Variants in KCNQ1 observed in about 807,000 individuals in gnomAD.
KCNQ1 encodes the protein potassium voltage-gated channel subfamily Q member 1, also known as potassium voltage-gated channel subfamily KQT member 1.
In KCNQ1, 49 loss-of-function variants were observed where a neutral mutation model predicts 72.4. The ratio of observed to expected loss-of-function variants is 0.68; its 90% confidence interval spans 0.54 to 0.86. KCNQ1 has a LOEUF of 0.86. KCNQ1 is among the 40% of genes least tolerant of loss of function. KCNQ1 has a pLI of 0.00. For synonymous variants in KCNQ1, 450 were observed against 412.6 expected, an observed-to-expected ratio of 1.09 and a Z score of -1.10; for missense variants, 790 against 945.1, an observed-to-expected ratio of 0.84 and a Z score of 2.15.
At chr11:2,460,483 T>TC (rs1846260400) in intron 1 of KCNQ1, among the ~76,000 whole-genome samples, 1 of 150,384 alleles carries the variant, frequency 6.6e-6, no homozygotes, top group Non-Finnish European at 1.5e-5. Flanking sequence ...TCCACAGGCC[T>TC]CCTCCCTCCC....
chr11:2,445,642 C>T (rs1489024867), intron 1 of KCNQ1, among the ~76,000 whole-genome samples, 158 bp downstream of exon 1: 1 of 152,172 alleles, frequency 6.6e-6, no homozygotes, highest in African/African-American at 2.4e-5. Flanking sequence ...TCTGCACTCT[C>T]CCTTGAAGTT....
Position 2,667,095 on chromosome 11 carries a change from A to G in KCNQ1, c.1514+5014A>G, listed in dbSNP as rs113701963. 2,781 of 398,604 alleles carry G rather than the reference A, an allele frequency of 7.0e-3. 54 individuals carry two copies. The highest frequency in any genetic ancestry group is 0.041 in the African/African-American group (2,007 of 48,742). The allele number at this position is 398,604 out of a possible 1,614,324, so 24.7% of individuals were successfully genotyped here. The stretch of plus-strand genomic sequence containing the variant: ...GGGGGGATTAAATGTTCTTCTAATT[A>G]AATTAAAACCGAGGCGTAATGGCTC... On this transcript the variant is annotated intron_variant, in intron 11 of 15. Transcript: ENST00000155840.
intron 11 of KCNQ1, among the ~76,000 whole-genome samples, chr11:2,714,955 G>GTT: frequency 6.6e-6 from 1 of 152,030 alleles, no homozygotes; most frequent in African/African-American, 2.4e-5. Context: ...ACAAAGCCAG[G>GTT]GGGGAGCCTG....
chr11:2,614,729 C>A (rs1187461836), intron 10 of KCNQ1: 2 of 398,252 alleles, frequency 5.0e-6, no homozygotes, highest in Non-Finnish European at 8.9e-6. Flanking sequence ...TTCCATTGGT[C>A]TATATGTCCA....
chr11:2,838,132 G>T (rs987149995), intron 15 of KCNQ1, among the ~76,000 whole-genome samples: 3 of 152,238 alleles, frequency 2.0e-5, no homozygotes, highest in Admixed American at 1.3e-4. Flanking sequence ...TTTCAGGAAG[G>T]GGACCTACTT....
intron 10 of KCNQ1, chr11:2,650,385 C>T (rs1849738694): frequency 2.5e-6 from 1 of 398,574 alleles, no homozygotes; most frequent in African/African-American, 2.1e-5. Context: ...ACAGAGACTT[C>T]CAATTTTATG....
rs942147621 is a variant in KCNQ1, at chr11:2,450,414, G to A, written c.386+4930G>A. On this transcript the variant is annotated intron_variant, in intron 1 of 15. Coordinates refer to ENST00000155840, the MANE Select transcript of KCNQ1 (RefSeq NM_000218.3). This position sits in a 1 kb window ranked among gnomAD's most constrained non-coding sequence, Gnocchi z 7.9. Reference sequence around the variant, plus strand: ...GCCCAACATCTGCTGCTGGAGGGGAGAATGAGGCAATGAATATCACCATCC... The same window carrying A: ...GCCCAACATCTGCTGCTGGAGGGGAAAATGAGGCAATGAATATCACCATCC... 6.6e-6 allele frequency among the ~76,000 whole-genome samples: 1 copy of A among 152,132 alleles called. No individual in the cohort carries two copies. The highest frequency in any genetic ancestry group is 2.4e-5 in the African/African-American group (1 of 41,442).
At chr11:2,571,974 C>A in intron 4 of KCNQ1, 39 bp from the exon 5 acceptor site, 1 of 1,562,776 alleles carries the variant, frequency 6.4e-7, no homozygotes, top group South Asian at 1.1e-5. Context: ...CAGCTGAGCC[C>A]AGCCTGGCTC....
intron 10 of KCNQ1, among the ~76,000 whole-genome samples, chr11:2,607,176 T>C (rs1159796782): frequency 6.6e-6 from 1 of 152,124 alleles, no homozygotes; most frequent in East Asian, 1.9e-4. Flanking sequence ...GTGCTGGGAT[T>C]ACAGGTGTGA....
rs1192581193 is a variant in KCNQ1, at chr11:2,664,095, C to T, written c.1514+2014C>T. The T allele has an allele frequency of 2.5e-6, 1 of 398,766 alleles. No individual in the cohort carries two copies. Among genetic ancestry groups the T allele is most frequent in the East Asian group, 3.6e-5 (1 of 28,082 alleles). 24.7% of individuals were successfully genotyped at this position (398,766 alleles called of 1,614,324 possible). A position where few individuals can be genotyped will look rare whatever the true frequency, so the allele number is the denominator to read the frequency against. On this transcript the variant is annotated intron_variant, in intron 11 of 15. Transcript: ENST00000155840. This position sits in a 1 kb window ranked among gnomAD's most constrained non-coding sequence, Gnocchi z 5.1. Reference sequence around the variant, plus strand: ...GTGGGCCCAGGCAGGTCAGAGACTCCAGTCATTACCCAACCAGGTCCCTGC... The same window carrying T: ...GTGGGCCCAGGCAGGTCAGAGACTCTAGTCATTACCCAACCAGGTCCCTGC...
At chr11:2,527,896 G>A (rs199627878) in intron 1 of KCNQ1, 32 bp from the exon 2 acceptor site, 362 of 1,594,972 alleles carry the variant, frequency 2.3e-4, no homozygotes, top group East Asian at 1.4e-3. Flanking sequence ...GGCAGAGGCC[G>A]TGATGCTGAC....
At chr11:2,804,444 G>C (rs1381527290) in intron 15 of KCNQ1, among the ~76,000 whole-genome samples, 1 of 152,216 alleles carries the variant, frequency 6.6e-6, no homozygotes, top group African/African-American at 2.4e-5. Context: ...AGGCTGTATT[G>C]ACGGTGCTGG....
At chr11:2,708,565 G>A (rs1469728238) in intron 11 of KCNQ1, among the ~76,000 whole-genome samples, 2 of 152,164 alleles carry the variant, frequency 1.3e-5, no homozygotes, top group African/African-American at 4.8e-5. Context: ...GAGACCCCTG[G>A]GGTGCACAGG....
chr11:2,706,192 T>G (rs1280288737), intron 11 of KCNQ1, among the ~76,000 whole-genome samples: 1 of 152,232 alleles, frequency 6.6e-6, no homozygotes, highest in Non-Finnish European at 1.5e-5. Flanking sequence ...GACTGTGATT[T>G]GCTTCTTTCA....
chr11:2,773,978 C>T (rs1456760882), intron 12 of KCNQ1, among the ~76,000 whole-genome samples: 2 of 152,052 alleles, frequency 1.3e-5, no homozygotes, highest in Admixed American at 1.3e-4. Context: ...AATCAAGGCT[C>T]AGCATCCCAT....
At position 2,462,887 on chromosome 11, in the gene KCNQ1, T is replaced by G. The variant is rs1307384828; in HGVS notation, c.386+17403T>G. 6.6e-6 allele frequency among the ~76,000 whole-genome samples: 1 copy of G among 152,108 alleles called. No homozygotes were observed. Among genetic ancestry groups the G allele is most frequent in the Non-Finnish European group, 1.5e-5 (1 of 68,004 alleles). On this transcript the variant is annotated intron_variant, in intron 1 of 15. Coordinates refer to ENST00000155840, the MANE Select transcript of KCNQ1 (RefSeq NM_000218.3). This position sits in a 1 kb window ranked among gnomAD's most constrained non-coding sequence, Gnocchi z 8.2. ...GGACCAAACCTGGGTCCATGTGCCGTGCCCAGCCTGGGGTTCAGGTTTCTT... is the reference window on the plus strand; with the variant it reads ...GGACCAAACCTGGGTCCATGTGCCGGGCCCAGCCTGGGGTTCAGGTTTCTT...
rs754424379 is a variant in KCNQ1 at position 2,848,484 on chromosome 11, C to T, written c.*481C>T. 7.4e-5 allele frequency: 34 copies of T among 457,556 alleles called. No homozygotes were observed. Among genetic ancestry groups the T allele is most frequent in the Middle Eastern group, 6.8e-4 (1 of 1,480 alleles). The allele number at this position is 457,556 out of a possible 1,614,324, so 28.3% of individuals were successfully genotyped here. A position where few individuals can be genotyped will look rare whatever the true frequency, so the allele number is the denominator to read the frequency against. ...CAGCCCACGCTGACTACAGGGCCGC[C>T]GGCAATAAAAGCCCAGGAGCCCATT... On this transcript the variant is annotated 3_prime_UTR_variant, in exon 16 of 16. Transcript: ENST00000155840.
rs1429556786 is a variant in KCNQ1, at chr11:2,785,438, A to G, written c.1794+7401A>G. Among the ~76,000 whole-genome samples, 1 of 151,784 alleles carries G rather than the reference A, an allele frequency of 6.6e-6. No individual in the cohort carries two copies. The highest frequency in any genetic ancestry group is 1.5e-5 in the Non-Finnish European group (1 of 67,782). ...TCTTCAACCTAGGAAAGCTGATTGA[A>G]AGAAAAAAAAAAGAATGTACTTTAT... is the stretch of plus-strand genomic sequence containing the variant. On this transcript the variant is annotated intron_variant, in intron 15 of 15. Transcript: ENST00000155840. This position sits in a 1 kb window ranked among gnomAD's most constrained non-coding sequence, Gnocchi z 4.4.
chr11:2,713,964 A>G lies in KCNQ1; in HGVS notation c.1514+51883A>G, dbSNP rs560203833. Among the ~76,000 whole-genome samples, 8 of 152,268 alleles carry G rather than the reference A, an allele frequency of 5.3e-5. No individual in the cohort carries two copies. Among genetic ancestry groups the G allele is most frequent in the Admixed American group, 2.6e-4 (4 of 15,310 alleles). Reference sequence around the variant, plus strand: ...CTTCCTGCTCGGTTCCTGCTAACTCAGGGAGCTCCAGGTGGCTGCCACTCA... The same window carrying G: ...CTTCCTGCTCGGTTCCTGCTAACTCGGGGAGCTCCAGGTGGCTGCCACTCA... On this transcript the variant is annotated intron_variant, in intron 11 of 15. Transcript: ENST00000155840. This position sits in a 1 kb window ranked among gnomAD's most constrained non-coding sequence, Gnocchi z 5.6.
Sources: allele counts gnomAD v4.1 joint callset (sites outside exome capture counted in the v4.1 genomes callset), GRCh38; gene constraint gnomAD v4.1.1; non-coding constraint Gnocchi (gnomAD v3.1); transcripts MANE v1.5; gene names NCBI Gene and HGNC (gene_info 2026-07-23, HGNC 2026-07-21).